Variants in ZCCHC4 observed in about 807,000 individuals in gnomAD.
The protein encoded by ZCCHC4 is rRNA N(6)-adenosine-methyltransferase ZCCHC4.
In ZCCHC4, 54 loss-of-function variants were observed where a neutral mutation model predicts 67.7. The observed-to-expected ratio is 0.80, with a 90% CI of 0.64 to 1.00. The LOEUF is 1.00. Among genes scored for constraint, ZCCHC4 ranks in the 50% least tolerant of loss-of-function variants. ZCCHC4 has a pLI of 0.00. For missense variants in ZCCHC4, 609 were observed against 617.0 expected (o/e 0.99, Z 0.14); for synonymous variants, 198 against 213.5 (o/e 0.93, Z 0.63).
intron 6 of ZCCHC4, among the ~76,000 whole-genome samples, chr4:25,348,500 G>C (rs772680485): frequency 1.3e-5 from 2 of 152,174 alleles, no homozygotes; most frequent in Non-Finnish European, 1.5e-5. Context: ...AGGAAAAAAA[G>C]GATGGTGGTG....
chr4:25,345,646 T>G (rs764009654), intron 6 of ZCCHC4, 26 bp downstream of exon 6: 1 of 1,439,750 alleles, frequency 6.9e-7, no homozygotes, highest in Non-Finnish European at 9.7e-7. Flanking sequence ...ATTATCTCAT[T>G]GTTCTCTTAT....
chr4:25,357,622 G>A (rs935450305), intron 8 of ZCCHC4, among the ~76,000 whole-genome samples: 2 of 152,132 alleles, frequency 1.3e-5, no homozygotes, highest in Non-Finnish European at 2.9e-5. Flanking sequence ...TCTTTCCCTT[G>A]TCCTCAATTT....
intron 1 of ZCCHC4, among the ~76,000 whole-genome samples, chr4:25,313,253 A>T (rs965123295): frequency 6.6e-6 from 1 of 152,126 alleles, no homozygotes; most frequent in Non-Finnish European, 1.5e-5. Context: ...TCATTTGTTG[A>T]TTTGCTCTCC....
chr4:25,366,065 G>T (rs776357108), intron 12 of ZCCHC4: 18 of 975,914 alleles, frequency 1.8e-5, no homozygotes, highest in Non-Finnish European at 2.2e-5. Context: ...TAAAAAAATT[G>T]ATTTGTGTTA....
At chr4:25,324,716 T>A (rs1718771133) in intron 3 of ZCCHC4, among the ~76,000 whole-genome samples, 1 of 152,208 alleles carries the variant, frequency 6.6e-6, no homozygotes, top group African/African-American at 2.4e-5. Flanking sequence ...CTACAACACT[T>A]GTTATTATCT....
intron 3 of ZCCHC4, among the ~76,000 whole-genome samples, chr4:25,325,301 C>T (rs1167928511): frequency 1.7e-5 from 2 of 117,308 alleles, no homozygotes; most frequent in East Asian, 2.1e-4. Flanking sequence ...TCTTTTCACT[C>T]TCTCTTTTTT....
intron 3 of ZCCHC4, among the ~76,000 whole-genome samples, chr4:25,324,538 T>C (rs912350583): frequency 9.9e-5 from 15 of 152,214 alleles, no homozygotes; most frequent in African/African-American, 3.4e-4. Context: ...TGTCCTTGTA[T>C]GGACTCATGG....
At chr4:25,361,125 G>A (rs556642056) in intron 8 of ZCCHC4, among the ~76,000 whole-genome samples, 1 of 152,248 alleles carries the variant, frequency 6.6e-6, no homozygotes. Flanking sequence ...CTCCAACCAA[G>A]TATGGGGACA....
At position 25,361,966 on chromosome 4, in the gene ZCCHC4, TGAAGAAGG is replaced by T. The variant is rs1285054974; in HGVS notation, c.1121_1128del (p.Glu374ValfsTer19). 1.9e-6 allele frequency: 3 copies of T among 1,613,866 alleles called. No homozygotes were observed. Among genetic ancestry groups the T allele is most frequent in the Non-Finnish European group, 2.5e-6 (3 of 1,179,974 alleles). On this transcript the variant is annotated frameshift_variant, in exon 9 of 13. Coordinates refer to ENST00000302874, the MANE Select transcript of ZCCHC4 (RefSeq NM_024936.3). LOFTEE classifies it high-confidence loss of function. The stretch of plus-strand genomic sequence containing the variant: ...CGCCCAACAAAATAATCCTTCCTAC[TGAAGAAGG>T]GTACAGGTAAGATCACAGTGGAACT...
At chr4:25,343,076 A>G (rs1430753843) in intron 5 of ZCCHC4, among the ~76,000 whole-genome samples, 1 of 152,218 alleles carries the variant, frequency 6.6e-6, no homozygotes, top group Non-Finnish European at 1.5e-5. Context: ...AAACCCTCAA[A>G]TGATATCATG....
At chr4:25,323,747 T>C (rs748238346) in intron 3 of ZCCHC4, among the ~76,000 whole-genome samples, 4 of 152,208 alleles carry the variant, frequency 2.6e-5, no homozygotes, top group Admixed American at 6.5e-5. Context: ...TACTGAGGTA[T>C]GATACTTTAC....
chr4:25,362,878 T>G (rs952060393), intron 10 of ZCCHC4, among the ~76,000 whole-genome samples: 2 of 152,110 alleles, frequency 1.3e-5, no homozygotes, highest in African/African-American at 4.8e-5. Context: ...CAGTTTTAGG[T>G]TCACAGCAAA....
chr4:25,339,705 T>A (rs1472368066), intron 5 of ZCCHC4, among the ~76,000 whole-genome samples: 2 of 152,220 alleles, frequency 1.3e-5, no homozygotes, highest in Admixed American at 6.5e-5. Context: ...TTGTGGATTG[T>A]CTTTTCACTT....
chr4:25,357,772 T>TA (rs2109088571), intron 8 of ZCCHC4, among the ~76,000 whole-genome samples: 1 of 152,236 alleles, frequency 6.6e-6, no homozygotes, highest in Admixed American at 6.5e-5. Flanking sequence ...ACTGACCTCA[T>TA]AAAAAACCTC....
At chr4:25,354,205 G>A (rs1450993788) in intron 8 of ZCCHC4, among the ~76,000 whole-genome samples, 1 of 152,148 alleles carries the variant, frequency 6.6e-6, no homozygotes, top group Non-Finnish European at 1.5e-5. Context: ...GGCAATTTTG[G>A]AGTAACCAGC....
intron 5 of ZCCHC4, among the ~76,000 whole-genome samples, chr4:25,335,709 GA>G (rs1385992412): frequency 5.3e-5 from 8 of 152,282 alleles, no homozygotes; most frequent in African/African-American, 1.9e-4. Flanking sequence ...GTAGTGAGCC[GA>G]GATTGCGCCA....
intron 3 of ZCCHC4, among the ~76,000 whole-genome samples, chr4:25,331,164 C>T (rs567942850): frequency 3.9e-5 from 6 of 152,282 alleles, no homozygotes; most frequent in Middle Eastern, 3.4e-3. Context: ...TCCCTTCCCT[C>T]GGGGTTCACT....
At chr4:25,334,337 A>G (rs1719345242) in intron 5 of ZCCHC4, among the ~76,000 whole-genome samples, 1 of 152,226 alleles carries the variant, frequency 6.6e-6, no homozygotes, top group African/African-American at 2.4e-5. Flanking sequence ...TCAGACTTCC[A>G]GGATTTTGTT....
intron 5 of ZCCHC4, among the ~76,000 whole-genome samples, chr4:25,334,747 A>G (rs1719365510): frequency 6.6e-6 from 1 of 152,194 alleles, no homozygotes; most frequent in Non-Finnish European, 1.5e-5. Flanking sequence ...CTATGTTCTT[A>G]GTATTTTTAA....
Sources: gnomAD v4.1 joint callset for allele counts (sites outside exome capture counted in the v4.1 genomes callset) on GRCh38, gnomAD v4.1.1 for gene constraint, MANE v1.5 for transcripts, NCBI Gene and HGNC (gene_info 2026-07-23, HGNC 2026-07-21) for gene names.